The following AFG2A variants were observed in gnomAD, a reference collection of about 807,000 sequenced individuals.
AFG2A encodes AAA ATPase AFG2A, also known as ATPase family gene 2 protein homolog A.
At chr4:122,961,371 A>G in the AFG2A span, among the ~76,000 whole-genome samples, 1 of 152,228 alleles carries the variant, frequency 6.6e-6, no homozygotes, top group African/African-American at 2.4e-5. Context: ...AGTATAAAAG[A>G]TAGGGAACTC....
At chr4:122,952,855 G>T in the AFG2A span, among the ~76,000 whole-genome samples, 1 of 152,168 alleles carries the variant, frequency 6.6e-6, no homozygotes, top group Non-Finnish European at 1.5e-5. Context: ...TAACAGAGTG[G>T]TAGTGGTATG....
the AFG2A span, among the ~76,000 whole-genome samples, chr4:123,151,201 T>C: frequency 6.6e-6 from 1 of 152,132 alleles, no homozygotes; most frequent in East Asian, 1.9e-4. Flanking sequence ...GTTCAGGAAG[T>C]AGGCATGGGC....
chr4:123,039,982 C>A, the AFG2A span, among the ~76,000 whole-genome samples: 1 of 152,058 alleles, frequency 6.6e-6, no homozygotes, highest in African/African-American at 2.4e-5. Flanking sequence ...GAGGACACAA[C>A]AATTTATTTA....
At chr4:123,000,006 A>T in the AFG2A span, among the ~76,000 whole-genome samples, 1 of 152,004 alleles carries the variant, frequency 6.6e-6, no homozygotes, top group African/African-American at 2.4e-5. Flanking sequence ...GTTCTCCTTG[A>T]AGAGGTCCTT....
chr4:123,302,398 A>G, the AFG2A span, among the ~76,000 whole-genome samples: 11 of 152,070 alleles, frequency 7.2e-5, no homozygotes, highest in Admixed American at 5.9e-4. Context: ...ACAAACCTCA[A>G]CATAGGATGA....
chr4:123,061,868 CCA>C, the AFG2A span, among the ~76,000 whole-genome samples: 4 of 152,184 alleles, frequency 2.6e-5, no homozygotes, highest in Non-Finnish European at 5.9e-5. Context: ...GTGTGACCTT[CCA>C]CAGTTATGTG....
chr4:123,143,795 T>C, the AFG2A span, among the ~76,000 whole-genome samples: 1 of 150,956 alleles, frequency 6.6e-6, no homozygotes, highest in Non-Finnish European at 1.5e-5. Context: ...AACCCAAAGC[T>C]TGACTTCATT....
At chr4:122,955,047 T>C in the AFG2A span, among the ~76,000 whole-genome samples, 1 of 152,190 alleles carries the variant, frequency 6.6e-6, no homozygotes, top group Non-Finnish European at 1.5e-5. Context: ...GTTGTGGTAC[T>C]GAGTCCGTGT....
the AFG2A span, among the ~76,000 whole-genome samples, chr4:123,049,647 C>T: frequency 6.6e-6 from 1 of 151,672 alleles, no homozygotes. Context: ...TTCTAATGAT[C>T]CTTTGTATTT....
chr4:123,237,697 A>AAAAAAC, the AFG2A span, among the ~76,000 whole-genome samples: 3 of 131,986 alleles, frequency 2.3e-5, no homozygotes, highest in African/African-American at 7.8e-5. Flanking sequence ...AAAAAAAAAA[A>AAAAAAC]GGAGTTCCAT....
At chr4:123,091,402 TC>T in the AFG2A span, among the ~76,000 whole-genome samples, 1 of 152,232 alleles carries the variant, frequency 6.6e-6, no homozygotes, top group African/African-American at 2.4e-5. Flanking sequence ...CAATATCTAC[TC>T]CCCAATCTTG....
At chr4:122,987,736 G>A in the AFG2A span, among the ~76,000 whole-genome samples, 4 of 152,000 alleles carry the variant, frequency 2.6e-5, no homozygotes, top group Non-Finnish European at 5.9e-5. Context: ...TGTTACTGAT[G>A]TCACGTTTTG....
the AFG2A span, among the ~76,000 whole-genome samples, chr4:123,200,333 A>T: frequency 2.0e-5 from 3 of 152,238 alleles, no homozygotes; most frequent in Non-Finnish European, 1.5e-5. Flanking sequence ...ACTCAGAATC[A>T]TGCGGGAAGT....
chr4:123,163,484 A>G, the AFG2A span, among the ~76,000 whole-genome samples: 1 of 152,166 alleles, frequency 6.6e-6, no homozygotes, highest in Non-Finnish European at 1.5e-5. Context: ...TGTCTACTCC[A>G]CAAGTTCAGA....
At chr4:123,239,330 A>C in the AFG2A span, among the ~76,000 whole-genome samples, 2 of 152,138 alleles carry the variant, frequency 1.3e-5, no homozygotes, top group East Asian at 1.9e-4. Context: ...AAATACAGAG[A>C]ACACCACAAA....
chr4:123,002,529 G>C, the AFG2A span, among the ~76,000 whole-genome samples: 1 of 152,112 alleles, frequency 6.6e-6, no homozygotes, highest in Non-Finnish European at 1.5e-5. Flanking sequence ...GCATTTGCTT[G>C]TCTGTAAAGT....
At chr4:123,170,079 T>C in the AFG2A span, among the ~76,000 whole-genome samples, 1 of 152,232 alleles carries the variant, frequency 6.6e-6, no homozygotes, top group Non-Finnish European at 1.5e-5. Context: ...AGTAGAGCTC[T>C]GTCATTCCCA....
the AFG2A span, among the ~76,000 whole-genome samples, chr4:123,295,403 G>T: frequency 6.6e-5 from 10 of 152,170 alleles, no homozygotes; most frequent in Non-Finnish European, 1.3e-4. Context: ...GACTTTGACT[G>T]ACATAAATAA....
At chr4:123,147,187 G>A in the AFG2A span, among the ~76,000 whole-genome samples, 1 of 152,116 alleles carries the variant, frequency 6.6e-6, no homozygotes, top group Non-Finnish European at 1.5e-5. Context: ...GAGATGTCAT[G>A]TCTTGGTTGT....
Sources: gnomAD v4.1 joint callset for allele counts (sites outside exome capture counted in the v4.1 genomes callset) on GRCh38, gnomAD v4.1.1 for gene constraint, MANE v1.5 for transcripts, NCBI Gene and HGNC (gene_info 2026-07-23, HGNC 2026-07-21) for gene names.